Variants in PTPRD observed in about 807,000 individuals in gnomAD.
PTPRD encodes receptor-type tyrosine-protein phosphatase delta.
PTPRD carries 34 observed loss-of-function variants against 214.5 expected under a neutral mutation model. The observed-to-expected ratio is 0.16, with a 90% CI of 0.12 to 0.21. The LOEUF (loss-of-function observed/expected upper bound fraction) is 0.21, where lower values mean the gene tolerates loss of function less well. Ranked by LOEUF, PTPRD falls within the 10% of genes least tolerant of loss-of-function variation. The pLI, the probability that PTPRD is intolerant of heterozygous loss-of-function variation, is 1.00. For synonymous variants in PTPRD, 1,128 were observed against 845.7 expected, an observed-to-expected ratio of 1.33 and a Z score of -5.79; for missense variants, 2,545 against 2,398.7, an observed-to-expected ratio of 1.06 and a Z score of -1.27.
At chr9:10,383,475 G>T (rs539951224) in intron 2 of PTPRD, among the ~76,000 whole-genome samples, 9 of 151,908 alleles carry the variant, frequency 5.9e-5, no homozygotes, top group Non-Finnish European at 1.3e-4. Flanking sequence ...GAACTAATGT[G>T]GTTGATAAGG....
chr9:10,540,649 T>A (rs1011144270), intron 2 of PTPRD, among the ~76,000 whole-genome samples: 1 of 152,188 alleles, frequency 6.6e-6, no homozygotes, highest in Non-Finnish European at 1.5e-5. Flanking sequence ...AAAGGTGTAA[T>A]GTGTTCCAAA....
intron 2 of PTPRD, among the ~76,000 whole-genome samples, chr9:10,487,831 G>T (rs138771494): frequency 7.4e-6 from 1 of 134,570 alleles, no homozygotes; most frequent in Non-Finnish European, 1.6e-5. Flanking sequence ...ATTTTTAGAA[G>T]AACTTTTTTT....
At chr9:10,068,400 G>A (rs1377020126) in intron 3 of PTPRD, among the ~76,000 whole-genome samples, 1 of 151,868 alleles carries the variant, frequency 6.6e-6, no homozygotes, top group African/African-American at 2.4e-5. Flanking sequence ...ATATAAAAAT[G>A]TGAAGAAGAT....
intron 6 of PTPRD, among the ~76,000 whole-genome samples, chr9:9,765,280 A>T (rs1477339708): frequency 6.6e-6 from 1 of 152,206 alleles, no homozygotes; most frequent in Non-Finnish European, 1.5e-5. Flanking sequence ...CAGAAAACAT[A>T]GAGTATGTTT....
intron 10 of PTPRD, among the ~76,000 whole-genome samples, chr9:9,138,890 C>A (rs1485803700): frequency 6.6e-6 from 1 of 152,018 alleles, no homozygotes; most frequent in Non-Finnish European, 1.5e-5. Context: ...AGTTTTTACA[C>A]AATTAATGTT....
chr9:9,494,637 G>T (rs945583498), intron 8 of PTPRD, among the ~76,000 whole-genome samples: 2 of 152,158 alleles, frequency 1.3e-5, no homozygotes, highest in African/African-American at 4.8e-5. Flanking sequence ...TTTGTAAAAA[G>T]TAAACTATGA....
At chr9:8,486,478 G>A (rs1292397160) in intron 27 of PTPRD, 129 bp from the exon 28 acceptor site, 2 of 846,726 alleles carry the variant, frequency 2.4e-6, no homozygotes, top group Non-Finnish European at 4.1e-6. Context: ...AACAAAACAG[G>A]CAATGTTTGA....
intron 9 of PTPRD, among the ~76,000 whole-genome samples, chr9:9,250,127 T>A (rs530921687): frequency 1.2e-3 from 181 of 152,182 alleles, no homozygotes; most frequent in African/African-American, 3.8e-3. Context: ...AACAGTCGCA[T>A]ACATACATTC....
chr9:9,418,567 A>G (rs543961849), intron 8 of PTPRD, among the ~76,000 whole-genome samples: 3 of 151,900 alleles, frequency 2.0e-5, no homozygotes, highest in Non-Finnish European at 4.4e-5. Context: ...TCGTATCTCA[A>G]TTTTCTTATC....
intron 35 of PTPRD, 126 bp from the exon 36 acceptor site, chr9:8,404,786 T>C: frequency 8.3e-7 from 1 of 1,204,172 alleles, no homozygotes; most frequent in East Asian, 2.6e-5. Flanking sequence ...ATCAAGATGA[T>C]CCTAACTGTG....
chr9:8,823,871 T>C (rs961359739), intron 11 of PTPRD, among the ~76,000 whole-genome samples: 6 of 152,200 alleles, frequency 3.9e-5, no homozygotes, highest in East Asian at 1.9e-4. Context: ...GGCTACTTTA[T>C]AGACAGAGTA....
intron 9 of PTPRD, among the ~76,000 whole-genome samples, chr9:9,237,618 G>A (rs935352338): frequency 6.6e-6 from 1 of 152,096 alleles, no homozygotes; most frequent in African/African-American, 2.4e-5. Context: ...GTTGAAATCT[G>A]ACAAGAGATT....
chr9:8,746,607 CA>C (rs2092838591), intron 11 of PTPRD, among the ~76,000 whole-genome samples: 3 of 152,310 alleles, frequency 2.0e-5, no homozygotes, highest in Non-Finnish European at 4.4e-5. Context: ...GTAACTTTCT[CA>C]ACACCAAACT....
chr9:10,458,901 G>C (rs1391511577), intron 2 of PTPRD, among the ~76,000 whole-genome samples: 2 of 151,880 alleles, frequency 1.3e-5, no homozygotes, highest in African/African-American at 4.8e-5. Context: ...CTTTAAAAAG[G>C]ATTTTTTTTT....
intron 2 of PTPRD, among the ~76,000 whole-genome samples, chr9:10,572,205 T>C (rs2067676093): frequency 6.6e-6 from 1 of 152,144 alleles, no homozygotes. Flanking sequence ...AATCATTAAC[T>C]CTTCCAGGCT....
chr9:8,604,896 T>A (rs767320020), intron 14 of PTPRD, among the ~76,000 whole-genome samples: 21 of 152,306 alleles, frequency 1.4e-4, no homozygotes, highest in Middle Eastern at 6.8e-3. Flanking sequence ...ATTACTGCAA[T>A]ACATTTAGGT....
chr9:9,925,656 G>T (rs2084022755), intron 5 of PTPRD, among the ~76,000 whole-genome samples: 1 of 151,656 alleles, frequency 6.6e-6, no homozygotes, highest in Non-Finnish European at 1.5e-5. Flanking sequence ...TTACCTACCT[G>T]CATAACTAAA....
intron 2 of PTPRD, among the ~76,000 whole-genome samples, chr9:10,364,941 G>A (rs1244756818): frequency 1.3e-5 from 2 of 152,128 alleles, no homozygotes; most frequent in Non-Finnish European, 2.9e-5. Context: ...CTACAAAGAT[G>A]TTCTTTGTCG....
At chr9:8,577,034 C>T (rs1376901117) in intron 14 of PTPRD, among the ~76,000 whole-genome samples, 5 of 152,202 alleles carry the variant, frequency 3.3e-5, no homozygotes, top group African/African-American at 9.6e-5. Context: ...AGCTTCAAAA[C>T]AGCAAATATA....
Sources: allele counts gnomAD v4.1 joint callset (sites outside exome capture counted in the v4.1 genomes callset), GRCh38; gene constraint gnomAD v4.1.1; transcripts MANE v1.5; gene names NCBI Gene and HGNC (gene_info 2026-07-23, HGNC 2026-07-21).